Variants in KCNJ6 observed in about 807,000 individuals in gnomAD.
The protein encoded by KCNJ6 is potassium inwardly rectifying channel subfamily J member 6, also known as G protein-activated inward rectifier potassium channel 2.
KCNJ6 carries 9 observed loss-of-function variants against 34.2 expected under a neutral mutation model. That is an observed-to-expected ratio of 0.26 (90% confidence interval 0.16 to 0.46). The LOEUF is 0.46. KCNJ6 is among the 20% of genes least tolerant of loss of function. The pLI is 1.00. For missense variants in KCNJ6, 236 were observed against 531.3 expected (o/e 0.44, Z 5.46); for synonymous variants, 196 against 207.1 (o/e 0.95, Z 0.46).
chr21:37,717,291 T>C (rs2054797109), intron 2 of KCNJ6: 2 of 152,572 alleles, frequency 1.3e-5, no homozygotes, highest in African/African-American at 2.4e-5. Flanking sequence ...TAGGTGTTGA[T>C]GGGGGGCTGT....
At chr21:37,833,899 A>G (rs1344427082) in intron 2 of KCNJ6, among the ~76,000 whole-genome samples, 1 of 152,172 alleles carries the variant, frequency 6.6e-6, no homozygotes, top group African/African-American at 2.4e-5. Context: ...AACCAATTGT[A>G]ACAGCTTATC....
At chr21:37,668,376 G>A (rs1177654796) in intron 3 of KCNJ6, among the ~76,000 whole-genome samples, 1 of 152,108 alleles carries the variant, frequency 6.6e-6, no homozygotes, top group African/African-American at 2.4e-5. Context: ...CTCTCTCCTT[G>A]GCTTACAGAT....
At chr21:37,832,621 G>A (rs1312024423) in intron 2 of KCNJ6, among the ~76,000 whole-genome samples, 3 of 152,012 alleles carry the variant, frequency 2.0e-5, no homozygotes. Flanking sequence ...GCTCTCTGAC[G>A]GTCAACTCAG....
chr21:37,758,716 C>T (rs1268034923), intron 2 of KCNJ6, among the ~76,000 whole-genome samples: 1 of 152,148 alleles, frequency 6.6e-6, no homozygotes, highest in East Asian at 1.9e-4. Flanking sequence ...TAGCTCACTG[C>T]AACCTTGACC....
At chr21:37,739,856 A>C (rs2054931538) in intron 2 of KCNJ6, among the ~76,000 whole-genome samples, 1 of 152,048 alleles carries the variant, frequency 6.6e-6, no homozygotes, top group Non-Finnish European at 1.5e-5. Context: ...GCTTGGGTAA[A>C]TATTCATTTT....
intron 2 of KCNJ6, among the ~76,000 whole-genome samples, chr21:37,777,013 C>T (rs1483654326): frequency 6.6e-6 from 1 of 152,128 alleles, no homozygotes; most frequent in Non-Finnish European, 1.5e-5. Flanking sequence ...TTAATTATTG[C>T]CTCAATTTCA....
chr21:37,856,118 G>C (rs1417084038), intron 1 of KCNJ6, among the ~76,000 whole-genome samples: 3 of 152,224 alleles, frequency 2.0e-5, no homozygotes, highest in African/African-American at 4.8e-5. Context: ...CCAGAGACAG[G>C]AGGGTGGGGA....
intron 2 of KCNJ6, among the ~76,000 whole-genome samples, chr21:37,823,992 G>A (rs191695031): frequency 4.5e-3 from 1 of 220 alleles, no homozygotes; most frequent in East Asian, 0.1. Flanking sequence ...TTGTGAGAGG[G>A]ATATGCTAAC....
intron 2 of KCNJ6, among the ~76,000 whole-genome samples, chr21:37,820,955 C>T (rs1055469745): frequency 3.9e-5 from 6 of 152,144 alleles, no homozygotes; most frequent in African/African-American, 1.2e-4. Context: ...AACTTAAAAA[C>T]GTTTTAGCTG....
At chr21:37,832,455 C>T (rs548616133) in intron 2 of KCNJ6, among the ~76,000 whole-genome samples, 1 of 152,266 alleles carries the variant, frequency 6.6e-6, no homozygotes, top group East Asian at 1.9e-4. Context: ...CAGAAATCTA[C>T]AGGATTCTCC....
intron 1 of KCNJ6, among the ~76,000 whole-genome samples, chr21:37,850,885 G>A (rs2055534021): frequency 2.0e-5 from 3 of 152,132 alleles, no homozygotes. Context: ...GGGAAGCTTA[G>A]GGTTATGCAT....
chr21:37,710,513 CA>C (rs1425763421), intron 3 of KCNJ6, among the ~76,000 whole-genome samples: 15 of 152,246 alleles, frequency 9.9e-5, no homozygotes, highest in African/African-American at 3.1e-4. Context: ...GTAAAATAAC[CA>C]AAAGGCTTAA....
rs368644121 is a variant in KCNJ6, at chr21:37,874,445, T to C, written c.-27-33736A>G. On this transcript the variant is annotated intron_variant, in intron 1 of 3. Coordinates refer to ENST00000609713, the MANE Select transcript of KCNJ6 (RefSeq NM_002240.5). ...CAGACTCATATAACAGACTGACAGC[T>C]TGACTTCTCCATTTGGATGTCTAAT... 3.2e-4 allele frequency among the ~76,000 whole-genome samples: 49 copies of C among 152,344 alleles called. 1 individual carries two copies. In the South Asian group the frequency reaches 9.7e-3, roughly 30 times the overall value.
chr21:37,818,207 C>CGTGTGTGTGTGTGTGTGTGTGT (rs1281572811), intron 2 of KCNJ6, among the ~76,000 whole-genome samples: 2 of 80,960 alleles, frequency 2.5e-5, no homozygotes, highest in Admixed American at 1.2e-4. Flanking sequence ...TGTGTGTGTG[C>CGTGTGTGTGTGTGTGTGTGTGT]GTGCGTGTGT....
chr21:37,890,076 T>C (rs925686735), intron 1 of KCNJ6, among the ~76,000 whole-genome samples: 4 of 152,218 alleles, frequency 2.6e-5, no homozygotes, highest in Non-Finnish European at 4.4e-5. Context: ...CTTCTCATAC[T>C]GCTAATAAAG....
intron 3 of KCNJ6, among the ~76,000 whole-genome samples, chr21:37,671,099 G>T (rs529854534): frequency 6.6e-6 from 1 of 152,256 alleles, no homozygotes; most frequent in South Asian, 2.1e-4. Context: ...AATGTCTTTT[G>T]TTTGCTACTG....
rs2054262036 is a variant in KCNJ6 at position 37,615,241 on chromosome 21, A to ATTTTTTT, written c.*9917_*9918insAAAAAAA. On this transcript the variant is annotated 3_prime_UTR_variant, in exon 4 of 4. Coordinates refer to ENST00000609713, the MANE Select transcript of KCNJ6 (RefSeq NM_002240.5). ...CAGACCCTCGACTGACATTCCCAGC[A>ATTTTTTT]TTCTTTTTTTTTTTTTTTTTTTTTT... 7 of 111,854 alleles carry ATTTTTTT rather than the reference A, an allele frequency of 6.3e-5. 2 individuals carry two copies. The highest frequency in any genetic ancestry group is 5.2e-5 in the Non-Finnish European group (3 of 57,970). The allele number at this position is 111,854 out of a possible 1,614,324, so 6.9% of individuals were successfully genotyped here. A position where few individuals can be genotyped will look rare whatever the true frequency, so the allele number is the denominator to read the frequency against.
intron 1 of KCNJ6, among the ~76,000 whole-genome samples, chr21:37,862,781 C>T (rs546188689): frequency 4.4e-4 from 67 of 152,310 alleles, no homozygotes; most frequent in Non-Finnish European, 8.2e-4. Flanking sequence ...GCTGCTAAGT[C>T]GGTCCCCTCA....
At chr21:37,639,526 T>C (rs569667769) in intron 3 of KCNJ6, among the ~76,000 whole-genome samples, 1 of 152,356 alleles carries the variant, frequency 6.6e-6, no homozygotes, top group South Asian at 2.1e-4. Context: ...TTTGCTTTTG[T>C]CATTCTTTTT....
Sources: allele counts gnomAD v4.1 joint callset (sites outside exome capture counted in the v4.1 genomes callset), GRCh38; gene constraint gnomAD v4.1.1; transcripts MANE v1.5; gene names NCBI Gene and HGNC (gene_info 2026-07-23, HGNC 2026-07-21).